Variants in CNBD1 observed in about 807,000 individuals in gnomAD.
CNBD1 encodes cyclic nucleotide-binding domain-containing protein 1.
Under a neutral mutation model 54.4 loss-of-function variants are expected in CNBD1, and 71 were observed. The ratio of observed to expected loss-of-function variants is 1.30; its 90% CI spans 1.08 to 1.59. CNBD1 has a LOEUF of 1.59. Among genes scored for constraint, CNBD1 ranks in the 40% most tolerant of loss-of-function variants. The pLI, the probability that CNBD1 is intolerant of heterozygous loss-of-function variation, is 0.00. For synonymous variants in CNBD1, 182 were observed against 170.7 expected, an observed-to-expected ratio of 1.07 and a Z score of -0.51; for missense variants, 659 against 518.0, an observed-to-expected ratio of 1.27 and a Z score of -2.64.
downstream of CNBD1, among the ~76,000 whole-genome samples, chr8:87,384,840 C>A (rs1474760912): frequency 6.6e-6 from 1 of 151,968 alleles, no homozygotes; most frequent in Admixed American, 6.6e-5. Context: ...GTGGATCATG[C>A]ATGGGATGAC....
At position 87,286,568 on chromosome 8, in the gene CNBD1, G is replaced by A; in HGVS notation, c.939G>A (p.Lys313=). Residue 313 remains lysine, a synonymous_variant, in exon 8 of 11, where the codon AAG becomes AAA. Coordinates refer to ENST00000518476, the MANE Select transcript of CNBD1 (RefSeq NM_173538.3). ...AAATAAAACTTGAAAATATGCAAAA[G>A]TTGAAATTAATCCGTATGTGTCCTT... is the stretch of plus-strand genomic sequence containing the variant. The part of the protein sequence containing the change: ...EEKIKLENMQ[K]LKLIRMCPYY... 6.9e-7 allele frequency: 1 copy of A among 1,459,332 alleles called. No homozygotes were observed. Among genetic ancestry groups the A allele is most frequent in the Non-Finnish European group, 9.4e-7 (1 of 1,063,460 alleles). 90.4% of individuals were successfully genotyped at this position (1,459,332 alleles called of 1,614,324 possible).
intron 1 of CNBD1, among the ~76,000 whole-genome samples, chr8:86,886,738 G>T (rs1269497973): frequency 6.6e-6 from 1 of 152,100 alleles, no homozygotes; most frequent in Non-Finnish European, 1.5e-5. Flanking sequence ...TTAAACCACT[G>T]ATTTTCTCAA....
At chr8:87,231,594 G>T (rs553774172) in intron 5 of CNBD1, among the ~76,000 whole-genome samples, 3 of 152,132 alleles carry the variant, frequency 2.0e-5, no homozygotes, top group African/African-American at 7.2e-5. Context: ...TCAAAACAAA[G>T]AAAGTCAAAC....
intron 3 of CNBD1, among the ~76,000 whole-genome samples, chr8:86,931,097 A>G (rs1424864004): frequency 2.0e-5 from 3 of 152,196 alleles, no homozygotes; most frequent in African/African-American, 7.2e-5. Context: ...AGGCATAACA[A>G]GAAAGGCATG....
intron 10 of CNBD1, among the ~76,000 whole-genome samples, chr8:87,372,885 G>C (rs76665826): frequency 0.019 from 2,861 of 151,866 alleles, 88 homozygotes; most frequent in African/African-American, 0.062. Context: ...CTCCCAGGAA[G>C]AGCATTGTCA....
intron 1 of CNBD1, among the ~76,000 whole-genome samples, chr8:86,878,080 C>CTGTGTGTGTGTGTGTGTGTGTG (rs145093111): frequency 1.5e-5 from 2 of 135,876 alleles, no homozygotes; most frequent in African/African-American, 5.5e-5. Context: ...TTCATCAAAG[C>CTGTGTGTGTGTGTGTGTGTGTG]TGTGTGTGTG....
At chr8:86,886,687 A>G (rs1808684842) in intron 1 of CNBD1, among the ~76,000 whole-genome samples, 2 of 152,350 alleles carry the variant, frequency 1.3e-5, no homozygotes, top group Non-Finnish European at 1.5e-5. Context: ...CATAATTAGA[A>G]TGTGGTCAAT....
At chr8:87,321,803 CT>C (rs765165524) in intron 8 of CNBD1, among the ~76,000 whole-genome samples, 989 of 88,954 alleles carry the variant, frequency 0.011, 1 homozygote, top group African/African-American at 0.026. Context: ...TTTTCTTTTT[CT>C]TTTTTTTTTT....
intron 5 of CNBD1, among the ~76,000 whole-genome samples, chr8:87,225,982 T>C (rs1320329100): frequency 1.3e-5 from 2 of 151,672 alleles, no homozygotes; most frequent in Non-Finnish European, 2.9e-5. Flanking sequence ...AGTGTATGTG[T>C]CAAGGAATGT....
At chr8:86,961,693 A>C (rs943769339) in intron 4 of CNBD1, among the ~76,000 whole-genome samples, 2 of 152,222 alleles carry the variant, frequency 1.3e-5, no homozygotes, top group African/African-American at 4.8e-5. Flanking sequence ...TTCTCCCTCC[A>C]GAGGCAATGG....
intron 10 of CNBD1, among the ~76,000 whole-genome samples, chr8:87,376,829 C>A (rs898180055): frequency 6.6e-6 from 1 of 151,676 alleles, no homozygotes; most frequent in African/African-American, 2.4e-5. Context: ...AATTCGGACC[C>A]AATTCTGTCC....
intron 4 of CNBD1, among the ~76,000 whole-genome samples, chr8:86,994,330 A>T (rs868243018): frequency 3.3e-5 from 5 of 152,192 alleles, no homozygotes; most frequent in Non-Finnish European, 7.3e-5. Context: ...ATGTGCACAA[A>T]AGGCCCTGGT....
At chr8:86,985,159 T>A (rs1808579122) in intron 4 of CNBD1, among the ~76,000 whole-genome samples, 3 of 152,194 alleles carry the variant, frequency 2.0e-5, no homozygotes, top group Admixed American at 1.3e-4. Flanking sequence ...TCTTCTCTTG[T>A]CTGCTGCCAA....
At chr8:87,005,990 T>C (rs1432977283) in intron 4 of CNBD1, among the ~76,000 whole-genome samples, 2 of 152,280 alleles carry the variant, frequency 1.3e-5, no homozygotes, top group East Asian at 1.9e-4. Context: ...GGATTTATGG[T>C]TGCAAGTTTT....
At chr8:87,190,239 T>C (rs1040414281) in intron 4 of CNBD1, among the ~76,000 whole-genome samples, 2 of 152,188 alleles carry the variant, frequency 1.3e-5, no homozygotes, top group African/African-American at 2.4e-5. Context: ...CCCAAACATA[T>C]GCTATCAAAT....
chr8:86,940,930 C>A (rs1363509888), intron 4 of CNBD1, among the ~76,000 whole-genome samples: 1 of 152,156 alleles, frequency 6.6e-6, no homozygotes, highest in African/African-American at 2.4e-5. Context: ...AGCCTAGGAA[C>A]AACAGGCTAT....
At chr8:87,258,432 T>A (rs545861537) in intron 6 of CNBD1, among the ~76,000 whole-genome samples, 1 of 151,260 alleles carries the variant, frequency 6.6e-6, no homozygotes, top group African/African-American at 2.4e-5. Flanking sequence ...TATTTCTTTT[T>A]TTTCTTTTTA....
intron 4 of CNBD1, among the ~76,000 whole-genome samples, chr8:87,073,350 A>C (rs1458432070): frequency 6.6e-6 from 1 of 151,848 alleles, no homozygotes; most frequent in Non-Finnish European, 1.5e-5. Context: ...CTTGCCGGAG[A>C]GGTATTGTAG....
intron 4 of CNBD1, among the ~76,000 whole-genome samples, chr8:87,124,289 A>G (rs1811949733): frequency 6.6e-6 from 1 of 151,734 alleles, no homozygotes; most frequent in Non-Finnish European, 1.5e-5. Flanking sequence ...AAGTGCACAC[A>G]GCACATTCTC....
Sources: gnomAD v4.1 joint callset for allele counts (sites outside exome capture counted in the v4.1 genomes callset) on GRCh38, gnomAD v4.1.1 for gene constraint, MANE v1.5 for transcripts, NCBI Gene and HGNC (gene_info 2026-07-23, HGNC 2026-07-21) for gene names.